Variants in TENM2 observed in about 807,000 individuals in gnomAD.
TENM2 encodes the protein teneurin transmembrane protein 2, also known as teneurin-2.
Under a neutral mutation model 245.2 loss-of-function variants are expected in TENM2, and 52 were observed. That is an observed-to-expected ratio of 0.21 (90% confidence interval 0.17 to 0.27). The LOEUF (loss-of-function observed/expected upper bound fraction) is 0.27. TENM2 is among the 10% of genes least tolerant of loss of function. The pLI is 1.00. For synonymous variants in TENM2, 1,363 were observed against 1,438.9 expected (o/e 0.95, Z 1.19); for missense variants, 3,046 against 3,666.8 (o/e 0.83, Z 4.37).
At chr5:167,064,984 G>A in the TENM2 span, among the ~76,000 whole-genome samples, 4 of 152,146 alleles carry the variant, frequency 2.6e-5, no homozygotes, top group Admixed American at 2.0e-4. Context: ...TTCTTGTTTA[G>A]ACAGTGGTTA....
chr5:167,677,723 A>C (rs1442525920), intron 2 of TENM2, among the ~76,000 whole-genome samples: 1 of 147,298 alleles, frequency 6.8e-6, no homozygotes, highest in East Asian at 1.9e-4. Context: ...TATGATAATT[A>C]TATGTTTATA....
At chr5:167,898,223 C>T (rs548944878) in intron 3 of TENM2, among the ~76,000 whole-genome samples, 1 of 152,220 alleles carries the variant, frequency 6.6e-6, no homozygotes, top group African/African-American at 2.4e-5. Context: ...ACAACATCAC[C>T]AGCTCCTGGA....
the TENM2 span, among the ~76,000 whole-genome samples, chr5:167,151,495 A>G: frequency 6.6e-6 from 1 of 152,178 alleles, no homozygotes; most frequent in East Asian, 1.9e-4. Flanking sequence ...ATTTACAGCT[A>G]AAAAGCAAAT....
chr5:167,224,587 A>G, the TENM2 span, among the ~76,000 whole-genome samples: 4 of 152,074 alleles, frequency 2.6e-5, no homozygotes, highest in East Asian at 3.9e-4. Context: ...TTTGTTTACT[A>G]TAGCCTTGTG....
the TENM2 span, among the ~76,000 whole-genome samples, chr5:166,985,357 T>G: frequency 6.6e-6 from 1 of 152,192 alleles, no homozygotes; most frequent in Admixed American, 6.5e-5. Context: ...GGAAAATTTA[T>G]TCTGTAGTTG....
At chr5:166,979,451 T>G in the TENM2 span, among the ~76,000 whole-genome samples, 1 of 152,150 alleles carries the variant, frequency 6.6e-6, no homozygotes, top group Non-Finnish European at 1.5e-5. Flanking sequence ...CAAAGCGAGC[T>G]GGGACCGAAG....
the TENM2 span, among the ~76,000 whole-genome samples, chr5:166,994,779 G>A: frequency 6.6e-6 from 1 of 152,140 alleles, no homozygotes; most frequent in Non-Finnish European, 1.5e-5. Context: ...TTGCCATCTT[G>A]AGCCACCCTG....
chr5:167,158,097 A>G, the TENM2 span, among the ~76,000 whole-genome samples: 1 of 152,106 alleles, frequency 6.6e-6, no homozygotes, highest in Non-Finnish European at 1.5e-5. Context: ...CATTTTGACA[A>G]GTAAAATTAT....
rs371899227 is a variant in TENM2, at chr5:167,564,470, G to C, written c.502+188997G>C. Among the ~76,000 whole-genome samples the C allele has an allele frequency of 2.1e-3, 315 of 152,260 alleles. 12 individuals are homozygous for C. In the South Asian group the frequency reaches 0.063, roughly 30 times the overall value. Reference sequence around the variant, plus strand: ...ATAAGGAGCTCATAGATGGCTTTGAGGAGGAGTAAGATTATCTGGCTTACA... The same window carrying C: ...ATAAGGAGCTCATAGATGGCTTTGACGAGGAGTAAGATTATCTGGCTTACA... On this transcript the variant is annotated intron_variant, in intron 2 of 28. Transcript: ENST00000518659.
chr5:168,241,231 T>G (rs1307391644), intron 25 of TENM2: 3 of 151,306 alleles, frequency 2.0e-5, no homozygotes, highest in Non-Finnish European at 2.9e-5. Context: ...CCCCATGCTT[T>G]GATGCATTCT....
chr5:167,331,024 T>A (rs1397853055), intron 1 of TENM2, among the ~76,000 whole-genome samples: 1 of 151,498 alleles, frequency 6.6e-6, no homozygotes, highest in Non-Finnish European at 1.5e-5. Flanking sequence ...GAACATGAGG[T>A]CAGGAGTTCA....
At chr5:167,117,319 C>A in the TENM2 span, among the ~76,000 whole-genome samples, 11 of 152,032 alleles carry the variant, frequency 7.2e-5, no homozygotes, top group Non-Finnish European at 1.5e-4. Flanking sequence ...CCGGCTAACA[C>A]GGTGAAACCC....
Position 168,193,683 on chromosome 5 carries a change from G to A in TENM2, c.2781-1493G>A, listed in dbSNP as rs186332552. Among the ~76,000 whole-genome samples the A allele has an allele frequency of 2.5e-3, 384 of 152,334 alleles. 5 individuals carry two copies. The highest frequency in any genetic ancestry group is 8.8e-3 in the African/African-American group (364 of 41,582). ...GGAAGGGTGGGGGGACTCCATTGTG[G>A]AATGTACTTTCAATTTTGTTTTCTC... On this transcript the variant is annotated intron_variant, in intron 14 of 28. Transcript: ENST00000518659.
At chr5:167,995,707 C>T (rs1309896512) in intron 5 of TENM2, among the ~76,000 whole-genome samples, 2 of 152,174 alleles carry the variant, frequency 1.3e-5, no homozygotes, top group Non-Finnish European at 2.9e-5. Context: ...TGGTTATTTA[C>T]GTGCAGAAAC....
At chr5:167,156,143 A>G in the TENM2 span, among the ~76,000 whole-genome samples, 1 of 152,234 alleles carries the variant, frequency 6.6e-6, no homozygotes, top group Non-Finnish European at 1.5e-5. Context: ...GGATGCCTAC[A>G]GAGGAAAATG....
the TENM2 span, among the ~76,000 whole-genome samples, chr5:167,227,939 C>A: frequency 2.5e-4 from 38 of 152,188 alleles, no homozygotes; most frequent in South Asian, 1.7e-3. Flanking sequence ...AATCTTTGCT[C>A]ATTCTTTTTT....
intron 1 of TENM2, among the ~76,000 whole-genome samples, chr5:167,320,440 C>T (rs375096889): frequency 4.9e-4 from 74 of 152,264 alleles, no homozygotes; most frequent in African/African-American, 1.8e-3. Context: ...ATTTTAGATC[C>T]TTGCCTTCTT....
At chr5:167,752,845 A>G (rs1762051065) in intron 2 of TENM2, among the ~76,000 whole-genome samples, 1 of 152,208 alleles carries the variant, frequency 6.6e-6, no homozygotes, top group Non-Finnish European at 1.5e-5. Context: ...AACTGATTTT[A>G]CAGGTTTAGC....
intron 3 of TENM2, among the ~76,000 whole-genome samples, chr5:167,922,035 G>C (rs1777410844): frequency 6.6e-6 from 1 of 152,196 alleles, no homozygotes; most frequent in African/African-American, 2.4e-5. Flanking sequence ...AGCCATATTG[G>C]AGGGAAATGT....
Sources: allele counts gnomAD v4.1 joint callset (sites outside exome capture counted in the v4.1 genomes callset), GRCh38; gene constraint gnomAD v4.1.1; transcripts MANE v1.5; gene names NCBI Gene and HGNC (gene_info 2026-07-23, HGNC 2026-07-21).